MYOM1: variants seen among roughly 807,000 people sequenced by gnomAD.
MYOM1 encodes myomesin 1, also known as myomesin-1.
MYOM1 carries 164 observed loss-of-function variants against 205.3 expected under a neutral mutation model. The observed-to-expected ratio is 0.80, with a 90% confidence interval of 0.70 to 0.91. MYOM1 has a LOEUF of 0.91. Among genes scored for constraint, MYOM1 ranks in the 40% least tolerant of loss-of-function variants. The pLI, the probability that MYOM1 is intolerant of heterozygous loss-of-function variation, is 0.00. For missense variants in MYOM1, 2,011 were observed against 2,127.3 expected, an observed-to-expected ratio of 0.95 and a Z score of 1.08; for synonymous variants, 772 against 789.4, an observed-to-expected ratio of 0.98 and a Z score of 0.37.
rs2081022416 is a variant in MYOM1 at position 3,198,521 on chromosome 18, T to C, written c.291-4563A>G. Among the ~76,000 whole-genome samples the C allele has an allele frequency of 2.0e-5, 3 of 152,272 alleles. No individual in the cohort carries two copies. The South Asian group carries it at 6.2e-4, about 32-fold the overall frequency. ...AGATTTATGGCCAGGCGCAGTGGCT[T>C]ACACCTGTAATCTCAGCACTTTGGG... On this transcript the variant is annotated intron_variant, in intron 2 of 37. Transcript: ENST00000356443.
At chr18:3,090,601 T>C in intron 27 of MYOM1, 57 bp downstream of exon 27, 1 of 1,595,056 alleles carries the variant, frequency 6.3e-7, no homozygotes, top group Non-Finnish European at 8.6e-7. Context: ...TGCCATGGGG[T>C]ACTTAGATTG....
intron 14 of MYOM1, among the ~76,000 whole-genome samples, chr18:3,136,286 T>C (rs1326210118): frequency 6.6e-6 from 1 of 152,160 alleles, no homozygotes; most frequent in Admixed American, 6.5e-5. Context: ...TAATACAGCG[T>C]TGTATTGTTT....
intron 13 of MYOM1, among the ~76,000 whole-genome samples, chr18:3,148,115 A>T (rs924901943): frequency 6.6e-6 from 1 of 152,192 alleles, no homozygotes; most frequent in African/African-American, 2.4e-5. Flanking sequence ...AGCAAGTGGA[A>T]CTCTCACGTA....
intron 18 of MYOM1, among the ~76,000 whole-genome samples, chr18:3,127,305 A>ATATATATATATATATATATATT (rs56880961): frequency 2.1e-5 from 1 of 47,568 alleles, no homozygotes; most frequent in Non-Finnish European, 3.6e-5. Flanking sequence ...ATATATATAT[A>ATATATATATATATATATATATT]TTTTTTTTTT....
intron 2 of MYOM1, among the ~76,000 whole-genome samples, chr18:3,201,942 G>C (rs28644217): frequency 0.22 from 33,853 of 151,936 alleles, 3,807 homozygotes; most frequent in African/African-American, 0.27. Flanking sequence ...CTGCACCCAG[G>C]CTTCTCTTAA....
chr18:3,101,355 T>C (rs967582738), intron 23 of MYOM1, among the ~76,000 whole-genome samples: 1 of 152,228 alleles, frequency 6.6e-6, no homozygotes, highest in Non-Finnish European at 1.5e-5. Context: ...CAAAGCTTGG[T>C]AAGCTTTTGC....
intron 26 of MYOM1, 97 bp downstream of exon 26, chr18:3,094,073 C>T (rs2079264262): frequency 1.6e-6 from 2 of 1,271,808 alleles, no homozygotes; most frequent in Middle Eastern, 3.8e-4. Flanking sequence ...ACTCCACCAC[C>T]CAGCGGTTTT....
chr18:3,222,274 T>C (rs1338590183), upstream of MYOM1, among the ~76,000 whole-genome samples: 1 of 152,204 alleles, frequency 6.6e-6, no homozygotes, highest in Non-Finnish European at 1.5e-5. Context: ...TACATCACCA[T>C]ATGTAATTTA....
At chr18:3,116,999 A>C (rs992834761) in intron 20 of MYOM1, among the ~76,000 whole-genome samples, 2 of 152,068 alleles carry the variant, frequency 1.3e-5, no homozygotes, top group African/African-American at 4.8e-5. Flanking sequence ...TGGACCTACA[A>C]GTGTGCACCA....
chr18:3,220,813 A>G (rs942550326), upstream of MYOM1, among the ~76,000 whole-genome samples: 2 of 152,216 alleles, frequency 1.3e-5, no homozygotes, highest in Admixed American at 1.3e-4. Flanking sequence ...TGCTGTGGTG[A>G]TTAAATGTGA....
At chr18:3,172,540 C>T (rs2144082926) in intron 8 of MYOM1, among the ~76,000 whole-genome samples, 1 of 151,948 alleles carries the variant, frequency 6.6e-6, no homozygotes, top group East Asian at 1.9e-4. Flanking sequence ...GATGGAGTCT[C>T]ACTCTGTTGC....
At chr18:3,137,955 C>A (rs934817822) in intron 14 of MYOM1, among the ~76,000 whole-genome samples, 1 of 151,776 alleles carries the variant, frequency 6.6e-6, no homozygotes, top group Non-Finnish European at 1.5e-5. Flanking sequence ...TCAATAAAAA[C>A]CAGATTAAAA....
At chr18:3,244,919 G>T in the MYOM1 span, among the ~76,000 whole-genome samples, 1 of 121,278 alleles carries the variant, frequency 8.2e-6, no homozygotes, top group Non-Finnish European at 1.8e-5. Flanking sequence ...GTAAATAAAA[G>T]TAAAAAAATA....
At chr18:3,208,948 C>G (rs2081158957) in intron 2 of MYOM1, among the ~76,000 whole-genome samples, 1 of 152,168 alleles carries the variant, frequency 6.6e-6, no homozygotes, top group Non-Finnish European at 1.5e-5. Flanking sequence ...GCTTCCTAAG[C>G]AAATTTCATT....
chr18:3,126,743 C>T lies in MYOM1; in HGVS notation c.2949G>A (p.Trp983Ter). Residue 983 changes from tryptophan (W) to a stop codon, truncating the protein, a stop_gained, in exon 19 of 38, where the codon TGG becomes TGA. Transcript: ENST00000356443. LOFTEE classifies it high-confidence loss of function. ...REVIDGVPGK[W>*]REANVKAVSE... is the part of the protein sequence containing the mutation. ...TGACAGCCTTGACATTGGCTTCTCT[C>T]CATTTTCCTGGTACCCCATCAATGA... 7.4e-6 allele frequency: 12 copies of T among 1,613,780 alleles called. No individual in the cohort carries two copies. The highest frequency in any genetic ancestry group is 9.3e-6 in the Non-Finnish European group (11 of 1,179,814).
At chr18:3,238,910 GTCT>G in the MYOM1 span, among the ~76,000 whole-genome samples, 4 of 152,098 alleles carry the variant, frequency 2.6e-5, no homozygotes, top group African/African-American at 7.2e-5. Context: ...TTCTCTAACA[GTCT>G]TCTTCTGCCT....
chr18:3,214,862 T>C, intron 2 of MYOM1, 72 bp downstream of exon 2: 1 of 1,470,254 alleles, frequency 6.8e-7, no homozygotes, highest in Non-Finnish European at 9.0e-7. Flanking sequence ...AAGCGAGAAG[T>C]AACTGGGAGG....
upstream of MYOM1, among the ~76,000 whole-genome samples, chr18:3,224,692 T>C (rs2081345313): frequency 6.6e-6 from 1 of 151,882 alleles, no homozygotes; most frequent in Non-Finnish European, 1.5e-5. Context: ...TGAAATGGAG[T>C]CTCACTCTGT....
chr18:3,233,248 GT>G, the MYOM1 span, among the ~76,000 whole-genome samples: 1 of 152,146 alleles, frequency 6.6e-6, no homozygotes, highest in Non-Finnish European at 1.5e-5. Flanking sequence ...ATCTGGTTGA[GT>G]TTCAACACAG....
Sources: gnomAD v4.1 joint callset for allele counts (sites outside exome capture counted in the v4.1 genomes callset) on GRCh38, gnomAD v4.1.1 for gene constraint, MANE v1.5 for transcripts, NCBI Gene and HGNC (gene_info 2026-07-23, HGNC 2026-07-21) for gene names.